Variants in MARCHF1 observed in about 807,000 individuals in gnomAD.
The protein encoded by MARCHF1 is membrane associated ring-CH-type finger 1.
In MARCHF1, 40 loss-of-function variants were observed where a neutral mutation model predicts 54.2. The observed-to-expected ratio is 0.74, with a 90% confidence interval of 0.57 to 0.96. The LOEUF (loss-of-function observed/expected upper bound fraction) is 0.96. MARCHF1 is among the 40% of genes least tolerant of loss of function. The probability of loss-of-function intolerance (pLI) is 0.00; values close to 1 mark genes in which losing one functional copy is unlikely to be tolerated. For missense variants in MARCHF1, 586 were observed against 656.5 expected, an observed-to-expected ratio of 0.89 and a Z score of 1.17; for synonymous variants, 236 against 236.3, an observed-to-expected ratio of 1.00 and a Z score of 0.01.
At chr4:164,009,333 G>A (rs1753368075) in intron 2 of MARCHF1, among the ~76,000 whole-genome samples, 1 of 151,922 alleles carries the variant, frequency 6.6e-6, no homozygotes, top group South Asian at 2.1e-4. Context: ...AAAAGTCCAG[G>A]ACCTGATAAG....
chr4:163,709,237 G>A (rs1161106857), intron 4 of MARCHF1, among the ~76,000 whole-genome samples: 1 of 152,052 alleles, frequency 6.6e-6, no homozygotes, highest in African/African-American at 2.4e-5. Flanking sequence ...GCAGGCCCAT[G>A]GGAGTAGTCT....
At chr4:164,227,549 G>T (rs912428450) in intron 1 of MARCHF1, among the ~76,000 whole-genome samples, 1 of 152,084 alleles carries the variant, frequency 6.6e-6, no homozygotes, top group African/African-American at 2.4e-5. Flanking sequence ...TGGAGACAAA[G>T]GCAGGAATGT....
chr4:163,874,935 AG>A (rs1462637426), intron 3 of MARCHF1, among the ~76,000 whole-genome samples: 1 of 152,200 alleles, frequency 6.6e-6, no homozygotes, highest in African/African-American at 2.4e-5. Context: ...GAAAATTTAT[AG>A]GAAAAAAACA....
intron 1 of MARCHF1, among the ~76,000 whole-genome samples, chr4:164,191,709 T>G (rs539395384): frequency 2.0e-5 from 3 of 152,316 alleles, no homozygotes; most frequent in East Asian, 3.9e-4. Context: ...GCAAATGGAT[T>G]GTTGGAATCC....
At chr4:163,975,192 T>TCACACA (rs1244675716) in intron 3 of MARCHF1, among the ~76,000 whole-genome samples, 1 of 104,420 alleles carries the variant, frequency 9.6e-6, no homozygotes, top group African/African-American at 3.8e-5. Context: ...TCTCTCTCTC[T>TCACACA]CTCTCACACA....
chr4:163,541,915 G>T (rs2110903748), intron 9 of MARCHF1, among the ~76,000 whole-genome samples: 1 of 152,278 alleles, frequency 6.6e-6, no homozygotes, highest in Admixed American at 6.5e-5. Context: ...TGGAAAGCAG[G>T]TTTAAATATA....
chr4:164,105,915 A>T (rs1310181466), intron 2 of MARCHF1, among the ~76,000 whole-genome samples: 1 of 148,144 alleles, frequency 6.8e-6, no homozygotes, highest in Non-Finnish European at 1.5e-5. Context: ...AAACAAATTT[A>T]CAAGAAAAAA....
chr4:163,610,323 G>T (rs371791847), intron 7 of MARCHF1, among the ~76,000 whole-genome samples: 1 of 152,060 alleles, frequency 6.6e-6, no homozygotes, highest in East Asian at 1.9e-4. Flanking sequence ...TGTAGCATTT[G>T]CTTAGTTGGT....
At chr4:164,193,312 G>C (rs1348118333) in intron 1 of MARCHF1, among the ~76,000 whole-genome samples, 1 of 151,724 alleles carries the variant, frequency 6.6e-6, no homozygotes, top group Non-Finnish European at 1.5e-5. Context: ...TCTTCTGCTT[G>C]TTCTTAATGC....
intron 3 of MARCHF1, among the ~76,000 whole-genome samples, chr4:163,861,564 T>G (rs1749933883): frequency 6.6e-6 from 1 of 152,064 alleles, no homozygotes; most frequent in African/African-American, 2.4e-5. Context: ...TAAAACTGAT[T>G]TAAAAATCAA....
At chr4:164,162,494 G>T (rs1333642390) in intron 1 of MARCHF1, among the ~76,000 whole-genome samples, 1 of 152,106 alleles carries the variant, frequency 6.6e-6, no homozygotes, top group Non-Finnish European at 1.5e-5. Flanking sequence ...AATCAGCCTG[G>T]CAAAGAGGGA....
At chr4:164,245,468 C>T (rs913817302) in intron 1 of MARCHF1, among the ~76,000 whole-genome samples, 6 of 152,058 alleles carry the variant, frequency 3.9e-5, no homozygotes, top group African/African-American at 1.2e-4. Flanking sequence ...TAAGAGCTAT[C>T]TATGACAAAC....
chr4:164,372,874 A>G (rs1731076153), intron 1 of MARCHF1, among the ~76,000 whole-genome samples: 1 of 152,120 alleles, frequency 6.6e-6, no homozygotes, highest in East Asian at 1.9e-4. Flanking sequence ...TAATCAATTC[A>G]TTTATTTATT....
chr4:163,952,151 G>A (rs1752146331), intron 3 of MARCHF1, among the ~76,000 whole-genome samples: 1 of 149,444 alleles, frequency 6.7e-6, no homozygotes, highest in East Asian at 1.9e-4. Flanking sequence ...GTTTGATCTT[G>A]CAAATATACA....
chr4:163,690,678 A>G lies in MARCHF1; in HGVS notation c.162+10135T>C, dbSNP rs115537510. Among the ~76,000 whole-genome samples, 1,324 of 152,346 alleles carry G rather than the reference A, an allele frequency of 8.7e-3. 13 individuals carry two copies. Among genetic ancestry groups the G allele is most frequent in the African/African-American group, 0.028 (1,177 of 41,592 alleles). On this transcript the variant is annotated intron_variant, in intron 5 of 9. Transcript: ENST00000514618. Reference sequence around the variant, plus strand: ...TAAGGACCATATTACTGAAGAAAAAAGGAGGGGATATATTTCATACTCTCC... The same window carrying G: ...TAAGGACCATATTACTGAAGAAAAAGGGAGGGGATATATTTCATACTCTCC...
intron 4 of MARCHF1, among the ~76,000 whole-genome samples, chr4:163,723,801 TC>T (rs1745559611): frequency 6.6e-6 from 1 of 152,220 alleles, no homozygotes; most frequent in South Asian, 2.1e-4. Context: ...TACCCTTTCT[TC>T]CAGTTGAACG....
chr4:163,610,741 G>C (rs183314466), intron 7 of MARCHF1, among the ~76,000 whole-genome samples: 23 of 152,170 alleles, frequency 1.5e-4, no homozygotes, highest in Non-Finnish European at 3.1e-4. Context: ...CAGTTTCTTT[G>C]TAAATCCCTT....
intron 7 of MARCHF1, among the ~76,000 whole-genome samples, chr4:163,601,378 G>T (rs989381243): frequency 2.8e-5 from 4 of 140,572 alleles, no homozygotes; most frequent in African/African-American, 1.0e-4. Context: ...AATTGTATGT[G>T]TGAGAAAAGA....
intron 1 of MARCHF1, chr4:164,130,082 G>A (rs534299383): frequency 3.3e-5 from 5 of 152,070 alleles, no homozygotes; most frequent in African/African-American, 1.2e-4. Context: ...AAATAAAATG[G>A]TTTGAATAAA....
Sources: allele counts gnomAD v4.1 joint callset (sites outside exome capture counted in the v4.1 genomes callset), GRCh38; gene constraint gnomAD v4.1.1; transcripts MANE v1.5; gene names NCBI Gene and HGNC (gene_info 2026-07-23, HGNC 2026-07-21).